The following PLAA variants were observed in gnomAD, a reference collection of about 807,000 sequenced individuals.
The protein encoded by PLAA is phospholipase A-2-activating protein.
Under a neutral mutation model 84.1 loss-of-function variants are expected in PLAA, and 48 were observed. The observed-to-expected ratio is 0.57, with a 90% confidence interval of 0.45 to 0.73. PLAA has a LOEUF of 0.73. Ranked by LOEUF, PLAA falls within the 30% of genes least tolerant of loss-of-function variation. PLAA has a pLI of 0.00. For synonymous variants in PLAA, 392 were observed against 336.6 expected, an observed-to-expected ratio of 1.16 and a Z score of -1.80; for missense variants, 903 against 954.7, an observed-to-expected ratio of 0.95 and a Z score of 0.71.
intron 1 of PLAA, among the ~76,000 whole-genome samples, chr9:26,943,879 G>C (rs1433030275): frequency 6.6e-6 from 1 of 152,164 alleles, no homozygotes; most frequent in African/African-American, 2.4e-5. Context: ...TTTGAGCCCA[G>C]AAGGTCGAGG....
chr9:26,905,440 G>T lies in PLAA; in HGVS notation c.*71C>A. On this transcript the variant is annotated 3_prime_UTR_variant, in exon 14 of 14. Transcript: ENST00000397292. ...CCGTATTCTCTTTTTTTAATTATCT[G>T]TTATCAGTCATGTCAAATGTGAGGA... 6.3e-6 allele frequency: 7 copies of T among 1,106,332 alleles called. No individual in the cohort carries two copies. The Admixed American group carries it at 9.1e-5, about 14-fold the overall frequency. The allele number at this position is 1,106,332 out of a possible 1,614,324, so 68.5% of individuals were successfully genotyped here.
intron 1 of PLAA, 110 bp downstream of exon 1, chr9:26,946,787 G>A: frequency 1.6e-6 from 2 of 1,247,972 alleles, no homozygotes; most frequent in Non-Finnish European, 2.2e-6. Context: ...AGAGCAGAGG[G>A]AAGGCTGGGG....
intron 1 of PLAA, among the ~76,000 whole-genome samples, chr9:26,942,877 CAAAAAA>C (rs34134451): frequency 0.031 from 1,598 of 51,356 alleles, 34 homozygotes; most frequent in African/African-American, 0.11. Flanking sequence ...AGACTCGTCT[CAAAAAA>C]AAAAAAAAAA....
chr9:26,929,188 C>CA (rs1313635732), intron 2 of PLAA, among the ~76,000 whole-genome samples: 2 of 151,460 alleles, frequency 1.3e-5, no homozygotes, highest in Admixed American at 1.3e-4. Flanking sequence ...GGTGACACAG[C>CA]AAGATTCTGT....
Position 26,919,202 on chromosome 9 carries a change from G to C in PLAA, c.1417+108C>G, listed in dbSNP as rs1824671603. 5.7e-5 allele frequency: 35 copies of C among 609,918 alleles called. 1 individual carries two copies. In the South Asian group the frequency reaches 8.3e-4, roughly 14 times the overall value. The allele number at this position is 609,918 out of a possible 1,614,324, so 37.8% of individuals were successfully genotyped here. On this transcript the variant is annotated intron_variant, in intron 9 of 13. Transcript: ENST00000397292. ...GAATGTGAAGTAAAACCCTGCTGTAGATATTGGTATTTATTGAAAAAGCTA... is the reference window on the plus strand; with the variant it reads ...GAATGTGAAGTAAAACCCTGCTGTACATATTGGTATTTATTGAAAAAGCTA...
chr9:26,943,296 T>A (rs61331313), intron 1 of PLAA, among the ~76,000 whole-genome samples: 17,419 of 152,184 alleles, frequency 0.11, 1,113 homozygotes, highest in African/African-American at 0.18. Context: ...TTCAAAGGGC[T>A]TTTGTGAAAG....
rs147737314 is a variant in PLAA at position 26,940,808 on chromosome 9, T to C, written c.150-5602A>G. Among the ~76,000 whole-genome samples, 57 of 152,338 alleles carry C rather than the reference T, an allele frequency of 3.7e-4. 2 individuals carry two copies. The East Asian group carries it at 0.011, about 29-fold the overall frequency. On this transcript the variant is annotated intron_variant, in intron 1 of 13. Transcript: ENST00000397292. ...TTATGAAAAAGTCTTCAAAGAAAGATACCTGGTAGTAACCAATTTCAACTT... is the reference window on the plus strand; with the variant it reads ...TTATGAAAAAGTCTTCAAAGAAAGACACCTGGTAGTAACCAATTTCAACTT...
At chr9:26,908,178 T>G (rs1408025537) in intron 12 of PLAA, among the ~76,000 whole-genome samples, 180 bp from the exon 13 acceptor site, 1 of 151,150 alleles carries the variant, frequency 6.6e-6, no homozygotes, top group Non-Finnish European at 1.5e-5. Flanking sequence ...TTTTTTTTTT[T>G]TTTTTTTGAG....
At chr9:26,908,267 A>C (rs755911697) in intron 12 of PLAA, among the ~76,000 whole-genome samples, 1 of 146,120 alleles carries the variant, frequency 6.8e-6, no homozygotes, top group Non-Finnish European at 1.5e-5. Context: ...CCCAGGTTCA[A>C]GCAATTCTCC....
intron 1 of PLAA, among the ~76,000 whole-genome samples, chr9:26,946,613 G>A (rs896058107): frequency 3.9e-5 from 6 of 152,180 alleles, no homozygotes; most frequent in African/African-American, 1.4e-4. Flanking sequence ...AGAAACTTGG[G>A]AGATCATCGT....
chr9:26,917,400 C>T (rs1461477913), intron 9 of PLAA, among the ~76,000 whole-genome samples: 2 of 152,136 alleles, frequency 1.3e-5, no homozygotes, highest in Non-Finnish European at 2.9e-5. Context: ...TACCTTAGCC[C>T]CAGCACTTAA....
At chr9:26,944,404 T>G (rs778575214) in intron 1 of PLAA, among the ~76,000 whole-genome samples, 6 of 152,152 alleles carry the variant, frequency 3.9e-5, no homozygotes, top group Non-Finnish European at 7.4e-5. Context: ...TGAGGACACT[T>G]TTACAACATT....
Position 26,930,355 on chromosome 9 carries a change from T to G in PLAA, c.344-1947A>C, listed in dbSNP as rs148914376. Among the ~76,000 whole-genome samples, 6 of 152,132 alleles carry G rather than the reference T, an allele frequency of 3.9e-5. No homozygotes were observed. The South Asian group carries it at 6.2e-4, about 16-fold the overall frequency. ...TCCTGACCTTATGATCCGCCCGCCTTGGCCTCCCAAGTGCTGGGATTACAG... is the reference window on the plus strand; with the variant it reads ...TCCTGACCTTATGATCCGCCCGCCTGGGCCTCCCAAGTGCTGGGATTACAG... On this transcript the variant is annotated intron_variant, in intron 2 of 13. Transcript: ENST00000397292.
intron 1 of PLAA, among the ~76,000 whole-genome samples, chr9:26,936,238 G>C (rs1409962505): frequency 1.3e-5 from 2 of 149,908 alleles, no homozygotes; most frequent in African/African-American, 4.9e-5. Flanking sequence ...AACCCACAAG[G>C]CCAAGGAGAA....
chr9:26,930,103 A>ATTTT (rs1175149046), intron 2 of PLAA, among the ~76,000 whole-genome samples: 1 of 147,072 alleles, frequency 6.8e-6, no homozygotes, highest in Admixed American at 6.8e-5. Context: ...TATTATTATT[A>ATTTT]TTATTTTTTT....
chr9:26,943,056 A>C (rs1166823124), intron 1 of PLAA, among the ~76,000 whole-genome samples: 1 of 152,140 alleles, frequency 6.6e-6, no homozygotes, highest in African/African-American at 2.4e-5. Flanking sequence ...GTCTTCAAGC[A>C]TGGGTCGTTT....
At chr9:26,929,838 T>G (rs563175938) in intron 2 of PLAA, among the ~76,000 whole-genome samples, 1 of 152,162 alleles carries the variant, frequency 6.6e-6, no homozygotes, top group Non-Finnish European at 1.5e-5. Flanking sequence ...TTTGGATTGT[T>G]TGATGAAGCT....
intron 1 of PLAA, among the ~76,000 whole-genome samples, chr9:26,935,457 A>G (rs908062609): frequency 6.6e-6 from 1 of 152,226 alleles, no homozygotes; most frequent in African/African-American, 2.4e-5. Flanking sequence ...ACAAGGAAAA[A>G]AGAAAGGGCA....
intron 10 of PLAA, chr9:26,916,478 A>G (rs1824562893): frequency 1.0e-6 from 1 of 986,850 alleles, no homozygotes; most frequent in Admixed American, 6.1e-5. Context: ...CCAACACTTC[A>G]AGGGCTTCAA....
Sources: gnomAD v4.1 joint callset for allele counts (sites outside exome capture counted in the v4.1 genomes callset) on GRCh38, gnomAD v4.1.1 for gene constraint, MANE v1.5 for transcripts, NCBI Gene and HGNC (gene_info 2026-07-23, HGNC 2026-07-21) for gene names.